The following FBN2 variants were observed in gnomAD, a reference collection of about 807,000 sequenced individuals.
FBN2 encodes fibrillin 2, also known as fibrillin-2.
FBN2 carries 105 observed loss-of-function variants against 355.6 expected under a neutral mutation model. The observed-to-expected ratio is 0.30, with a 90% CI of 0.25 to 0.35. The LOEUF is 0.35. FBN2 is among the 10% of genes least tolerant of loss of function. The pLI is 1.00. For missense variants in FBN2, 3,280 were observed against 3,758.7 expected (o/e 0.87, Z 3.33); for synonymous variants, 1,350 against 1,301.2 (o/e 1.04, Z -0.81).
intron 2 of FBN2, among the ~76,000 whole-genome samples, chr5:128,535,840 C>T (rs1181037470): frequency 6.6e-6 from 1 of 150,622 alleles, no homozygotes; most frequent in Non-Finnish European, 1.5e-5. Context: ...AAACTCAAGC[C>T]CCTTTGTAAG....
chr5:128,416,267 T>G (rs551787046), intron 7 of FBN2, among the ~76,000 whole-genome samples: 3 of 152,210 alleles, frequency 2.0e-5, no homozygotes, highest in Non-Finnish European at 2.9e-5. Context: ...TCAGGTGATC[T>G]GCCCGCCTCA....
chr5:128,263,766 C>A (rs1255820949), intron 62 of FBN2, 110 bp from the exon 63 acceptor site: 8 of 699,042 alleles, frequency 1.1e-5, no homozygotes, highest in Admixed American at 2.8e-5. Flanking sequence ...ATAACTCTAA[C>A]ACAGTATTTT....
At chr5:128,313,654 C>A (rs1581209238) in intron 36 of FBN2, among the ~76,000 whole-genome samples, 2 of 151,780 alleles carry the variant, frequency 1.3e-5, no homozygotes, top group African/African-American at 4.8e-5. Flanking sequence ...CTGGAATCGA[C>A]CATCCTGGCT....
chr5:128,271,533 C>A (rs1046306294), intron 62 of FBN2, among the ~76,000 whole-genome samples: 3 of 152,166 alleles, frequency 2.0e-5, no homozygotes, highest in Non-Finnish European at 4.4e-5. Context: ...GGTACTTTTT[C>A]AACCTTAAAA....
At chr5:128,447,802 C>T (rs1490203730) in intron 6 of FBN2, among the ~76,000 whole-genome samples, 2 of 152,198 alleles carry the variant, frequency 1.3e-5, no homozygotes, top group Non-Finnish European at 2.9e-5. Flanking sequence ...CCCGGATACC[C>T]AGCTTTAAAA....
At chr5:128,534,441 T>G (rs1756792742) in intron 2 of FBN2, among the ~76,000 whole-genome samples, 1 of 152,246 alleles carries the variant, frequency 6.6e-6, no homozygotes. Context: ...GGTATTACAC[T>G]GTCCCTATTT....
intron 41 of FBN2, among the ~76,000 whole-genome samples, 188 bp from the exon 42 acceptor site, chr5:128,307,391 T>C (rs1749912803): frequency 6.6e-6 from 1 of 152,142 alleles, no homozygotes; most frequent in Non-Finnish European, 1.5e-5. Context: ...TTTACCATTA[T>C]TATCATTGTT....
At chr5:128,305,782 C>A in intron 43 of FBN2, 41 bp downstream of exon 43, 1 of 1,610,466 alleles carries the variant, frequency 6.2e-7, no homozygotes, top group South Asian at 1.1e-5. Flanking sequence ...TATATGTATA[C>A]CAAATTATAC....
At chr5:128,367,929 C>A (rs1483684021) in intron 16 of FBN2, among the ~76,000 whole-genome samples, 1 of 151,714 alleles carries the variant, frequency 6.6e-6, no homozygotes, top group Non-Finnish European at 1.5e-5. Flanking sequence ...ATCATTATTT[C>A]CACGTTTGAA....
At chr5:128,454,576 C>T (rs1211429072) in intron 6 of FBN2, among the ~76,000 whole-genome samples, 3 of 152,172 alleles carry the variant, frequency 2.0e-5, no homozygotes, top group African/African-American at 7.2e-5. Flanking sequence ...CTACTCAGGG[C>T]GTCTTCTGCT....
intron 16 of FBN2, among the ~76,000 whole-genome samples, chr5:128,368,487 C>CATATATATACACATATATAT (rs1751842228): frequency 1.0e-5 from 1 of 99,796 alleles, no homozygotes; most frequent in Non-Finnish European, 2.0e-5. Context: ...CATATATATA[C>CATATATATACACATATATAT]ACATATATAT....
chr5:128,299,355 C>G (rs918803898), intron 48 of FBN2, among the ~76,000 whole-genome samples: 1 of 151,166 alleles, frequency 6.6e-6, no homozygotes, highest in South Asian at 2.1e-4. Flanking sequence ...CTGTGGTGGG[C>G]TCCAAACAGT....
intron 21 of FBN2, 53 bp from the exon 22 acceptor site, chr5:128,350,058 T>G (rs1751306324): frequency 7.2e-7 from 1 of 1,391,448 alleles, no homozygotes; most frequent in South Asian, 1.2e-5. Context: ...AATACAACCA[T>G]GGTATGCTCA....
At chr5:128,341,999 A>G (rs2126908505) in intron 25 of FBN2, among the ~76,000 whole-genome samples, 1 of 152,322 alleles carries the variant, frequency 6.6e-6, no homozygotes, top group South Asian at 2.1e-4. Context: ...AGTAGGATAA[A>G]GTACAGGGTA....
chr5:128,472,583 G>A (rs1268156046), intron 5 of FBN2, among the ~76,000 whole-genome samples: 1 of 152,014 alleles, frequency 6.6e-6, no homozygotes, highest in Non-Finnish European at 1.5e-5. Context: ...CCTGAGGTTG[G>A]GAGTTTGAGA....
chr5:128,415,991 T>C (rs1267822739), intron 7 of FBN2, among the ~76,000 whole-genome samples: 1 of 152,136 alleles, frequency 6.6e-6, no homozygotes, highest in Non-Finnish European at 1.5e-5. Flanking sequence ...TTGACCATTT[T>C]TATGACTTCT....
chr5:128,480,430 AG>A (rs1271190040), intron 5 of FBN2, among the ~76,000 whole-genome samples: 1 of 152,124 alleles, frequency 6.6e-6, no homozygotes, highest in Non-Finnish European at 1.5e-5. Context: ...AGGCTAAGTC[AG>A]TTTCCTCATT....
chr5:128,509,489 GA>G (rs1756054609), intron 5 of FBN2, among the ~76,000 whole-genome samples: 1 of 151,970 alleles, frequency 6.6e-6, no homozygotes, highest in Admixed American at 6.6e-5. Flanking sequence ...GGGACATAAG[GA>G]ATACCTTATA....
At chr5:128,464,622 G>A in intron 6 of FBN2, 102 bp downstream of exon 6, 1 of 1,271,428 alleles carries the variant, frequency 7.9e-7, no homozygotes, top group Non-Finnish European at 1.1e-6. Context: ...TTGGAAATCA[G>A]TATTCTGTTA....
Sources: gnomAD v4.1 joint callset for allele counts (sites outside exome capture counted in the v4.1 genomes callset) on GRCh38, gnomAD v4.1.1 for gene constraint, MANE v1.5 for transcripts, NCBI Gene and HGNC (gene_info 2026-07-23, HGNC 2026-07-21) for gene names.